The following CSMD1 variants were observed in gnomAD, a reference collection of about 807,000 sequenced individuals.
The protein encoded by CSMD1 is CUB and sushi domain-containing protein 1.
Under a neutral mutation model 417.5 loss-of-function variants are expected in CSMD1, and 213 were observed. That is an observed-to-expected ratio of 0.51 (90% confidence interval 0.46 to 0.57). The LOEUF (loss-of-function observed/expected upper bound fraction) is 0.57, where lower values mean the gene tolerates loss of function less well. Among genes scored for constraint, CSMD1 ranks in the 20% least tolerant of loss-of-function variants. The pLI, the probability that CSMD1 is intolerant of heterozygous loss-of-function variation, is 0.00. For missense variants in CSMD1, 6,923 were observed against 4,529.7 expected (o/e 1.53, Z -15.17); for synonymous variants, 2,862 against 1,736.8 (o/e 1.65, Z -16.11).
intron 23 of CSMD1, among the ~76,000 whole-genome samples, chr8:3,323,482 G>A (rs1806287431): frequency 6.6e-6 from 1 of 152,062 alleles, no homozygotes; most frequent in African/African-American, 2.4e-5. Context: ...CCACACCCAT[G>A]ATCTTACTCA....
At chr8:4,135,901 T>C (rs1168946315) in intron 3 of CSMD1, among the ~76,000 whole-genome samples, 2 of 152,196 alleles carry the variant, frequency 1.3e-5, no homozygotes, top group Non-Finnish European at 2.9e-5. Flanking sequence ...ATTTGGGATG[T>C]TTTATTTAGC....
intron 40 of CSMD1, among the ~76,000 whole-genome samples, chr8:3,142,990 G>A (rs532336167): frequency 1.1e-4 from 17 of 152,292 alleles, no homozygotes; most frequent in Non-Finnish European, 2.1e-4. Flanking sequence ...TAGCACACAC[G>A]CACTCGGGGA....
intron 41 of CSMD1, among the ~76,000 whole-genome samples, chr8:3,139,071 C>T (rs1427234026): frequency 6.6e-6 from 1 of 152,084 alleles, no homozygotes; most frequent in East Asian, 1.9e-4. Flanking sequence ...GAGATGGGGG[C>T]ACTGGAGGAT....
At chr8:4,442,538 C>G (rs1247350278) in intron 2 of CSMD1, among the ~76,000 whole-genome samples, 1 of 152,172 alleles carries the variant, frequency 6.6e-6, no homozygotes, top group East Asian at 1.9e-4. Context: ...TGAAGAACCT[C>G]TCAAACCATA....
chr8:4,408,416 T>G (rs1316220642), intron 3 of CSMD1, among the ~76,000 whole-genome samples: 1 of 152,250 alleles, frequency 6.6e-6, no homozygotes, highest in Non-Finnish European at 1.5e-5. Context: ...TCTCCATTGA[T>G]CAGGTTTTAA....
At chr8:4,391,387 T>G (rs547186937) in intron 3 of CSMD1, among the ~76,000 whole-genome samples, 6 of 152,264 alleles carry the variant, frequency 3.9e-5, no homozygotes, top group African/African-American at 1.4e-4. Context: ...GAAAAAGTGA[T>G]GTAAGACTTT....
chr8:3,742,352 T>C (rs1022273134), intron 6 of CSMD1, among the ~76,000 whole-genome samples: 12 of 152,300 alleles, frequency 7.9e-5, no homozygotes, highest in Non-Finnish European at 1.3e-4. Context: ...AACATTTCAG[T>C]GGCGAATCTG....
intron 5 of CSMD1, among the ~76,000 whole-genome samples, chr8:3,888,560 C>G (rs1237235967): frequency 6.6e-6 from 1 of 152,154 alleles, no homozygotes; most frequent in African/African-American, 2.4e-5. Context: ...TATCAAGTAC[C>G]AGCTGGAGAA....
intron 5 of CSMD1, among the ~76,000 whole-genome samples, chr8:3,863,256 G>C (rs998984411): frequency 1.3e-5 from 2 of 152,090 alleles, no homozygotes; most frequent in Non-Finnish European, 2.9e-5. Context: ...AACTGGCTAG[G>C]TCTGGTGGCA....
In CSMD1 at chr8:3,584,948, G is replaced by C. The variant is rs138021490; in HGVS notation, c.1222+1188C>G. Among the ~76,000 whole-genome samples, 17 of 152,272 alleles carry C rather than the reference G, an allele frequency of 1.1e-4. No individual in the cohort carries two copies. The East Asian group carries it at 1.9e-3, about 17-fold the overall frequency. On this transcript the variant is annotated intron_variant, in intron 9 of 69. Transcript: ENST00000635120. ...TAGAATTGAAAAATGCACAATCAAA[G>C]TTGTCTAGTGACAAAAAGAAGGGGA...
intron 1 of CSMD1, among the ~76,000 whole-genome samples, chr8:4,698,120 T>C (rs1203292292): frequency 6.9e-6 from 1 of 144,862 alleles, no homozygotes; most frequent in Non-Finnish European, 1.5e-5. Context: ...TGAACACTTT[T>C]GCTTTGAATA....
intron 23 of CSMD1, among the ~76,000 whole-genome samples, chr8:3,338,956 C>T (rs575830655): frequency 1.3e-5 from 2 of 150,722 alleles, no homozygotes; most frequent in South Asian, 2.1e-4. Context: ...TCTAGCATTA[C>T]GTATATCTCC....
chr8:4,183,556 G>A (rs533296412), intron 3 of CSMD1, among the ~76,000 whole-genome samples: 1 of 152,180 alleles, frequency 6.6e-6, no homozygotes, highest in Non-Finnish European at 1.5e-5. Context: ...GTCAGAGACA[G>A]ACATTCCTTT....
chr8:4,340,606 G>C (rs750596215), intron 3 of CSMD1, among the ~76,000 whole-genome samples: 1 of 152,082 alleles, frequency 6.6e-6, no homozygotes, highest in African/African-American at 2.4e-5. Flanking sequence ...CAGTACTCTT[G>C]CTTGGCTGCG....
intron 60 of CSMD1, among the ~76,000 whole-genome samples, chr8:2,963,002 T>A (rs1803634317): frequency 6.6e-6 from 1 of 152,152 alleles, no homozygotes; most frequent in African/African-American, 2.4e-5. Flanking sequence ...GAGCTATGAT[T>A]GAACCACTGC....
chr8:4,510,417 A>AAAAAAAAAAAAAAAAAAG (rs1802757327), intron 2 of CSMD1, among the ~76,000 whole-genome samples: 17 of 110,160 alleles, frequency 1.5e-4, no homozygotes, highest in African/African-American at 5.5e-4. Flanking sequence ...AAAAAAAAAA[A>AAAAAAAAAAAAAAAAAAG]AAAAAGCAAA....
chr8:3,860,074 G>C (rs1049949061), intron 5 of CSMD1, among the ~76,000 whole-genome samples: 5 of 151,978 alleles, frequency 3.3e-5, no homozygotes, highest in African/African-American at 1.2e-4. Context: ...ATGGTTAGTT[G>C]TGGATAATAG....
chr8:3,930,032 T>C lies in CSMD1; in HGVS notation c.818+67871A>G, dbSNP rs141479081. 3.2e-3 allele frequency among the ~76,000 whole-genome samples: 484 copies of C among 150,498 alleles called. 33 individuals are homozygous for C. Among genetic ancestry groups the C allele is most frequent in the African/African-American group, 0.011 (443 of 40,836 alleles). The stretch of plus-strand genomic sequence containing the variant: ...AAGGTTTTCTTCTTACACTGGTTTA[T>C]ATAAAGATGTCTCTGAGAGGGGGTA... On this transcript the variant is annotated intron_variant, in intron 5 of 69. Transcript: ENST00000635120.
chr8:3,429,306 A>G (rs1246499018), intron 12 of CSMD1, among the ~76,000 whole-genome samples: 1 of 152,238 alleles, frequency 6.6e-6, no homozygotes, highest in Non-Finnish European at 1.5e-5. Flanking sequence ...AAATGATAAT[A>G]AAATGCTGAA....
Sources: allele counts gnomAD v4.1 joint callset (sites outside exome capture counted in the v4.1 genomes callset), GRCh38; gene constraint gnomAD v4.1.1; transcripts MANE v1.5; gene names NCBI Gene and HGNC (gene_info 2026-07-23, HGNC 2026-07-21).